POU6F2: variants seen among roughly 807,000 people sequenced by gnomAD.
POU6F2 encodes POU domain, class 6, transcription factor 2.
In POU6F2, 31 loss-of-function variants were observed where a neutral mutation model predicts 71.3. The observed-to-expected ratio is 0.43, with a 90% CI of 0.33 to 0.59. The LOEUF (loss-of-function observed/expected upper bound fraction) is 0.59, where lower values mean the gene tolerates loss of function less well. Ranked by LOEUF, POU6F2 falls within the 20% of genes least tolerant of loss-of-function variation. The pLI is 0.04. For missense variants in POU6F2, 783 were observed against 856.8 expected (o/e 0.91, Z 1.07); for synonymous variants, 347 against 355.7 (o/e 0.98, Z 0.27).
At chr7:39,404,845 A>G (rs1787387361) in intron 5 of POU6F2, 1 of 152,198 alleles carries the variant, frequency 6.6e-6, no homozygotes, top group African/African-American at 2.4e-5. Flanking sequence ...GTAGTCTACA[A>G]ACAAGGAGAG....
chr7:39,177,220 C>T (rs1793349860), intron 2 of POU6F2, among the ~76,000 whole-genome samples: 1 of 152,232 alleles, frequency 6.6e-6, no homozygotes, highest in Admixed American at 6.5e-5. Context: ...TGCCTCCACC[C>T]TCCTTTTAAT....
intron 1 of POU6F2, chr7:39,084,965 A>T (rs1182588879): frequency 6.6e-6 from 1 of 152,200 alleles, no homozygotes; most frequent in East Asian, 1.9e-4. Flanking sequence ...TACACTTGGA[A>T]AATATTTCTG....
At chr7:39,007,606 A>T (rs1331957704) in intron 1 of POU6F2, among the ~76,000 whole-genome samples, 3 of 152,194 alleles carry the variant, frequency 2.0e-5, no homozygotes, top group Non-Finnish European at 2.9e-5. Context: ...TACATGTGCC[A>T]TGGTGGTGCG....
intron 2 of POU6F2, among the ~76,000 whole-genome samples, chr7:39,105,380 T>C (rs2128724463): frequency 6.6e-6 from 1 of 152,064 alleles, no homozygotes; most frequent in South Asian, 2.1e-4. Context: ...TAATTTTCTA[T>C]AAATATTTTT....
intron 4 of POU6F2, among the ~76,000 whole-genome samples, chr7:39,233,756 C>T (rs1423353664): frequency 6.6e-6 from 1 of 152,150 alleles, no homozygotes; most frequent in Non-Finnish European, 1.5e-5. Context: ...GTACACATTA[C>T]CGAACTTCCT....
intron 6 of POU6F2, among the ~76,000 whole-genome samples, chr7:39,432,293 C>A (rs997648845): frequency 4.6e-5 from 7 of 152,164 alleles, no homozygotes; most frequent in African/African-American, 1.7e-4. Flanking sequence ...CCCCAAGCCC[C>A]TCACCTTTAG....
intron 5 of POU6F2, chr7:39,405,897 T>G (rs976952262): frequency 6.6e-6 from 1 of 152,210 alleles, no homozygotes; most frequent in African/African-American, 2.4e-5. Context: ...GGAAAGACCA[T>G]GTATCAGCTA....
At chr7:39,343,242 A>C (rs1374103616) in intron 5 of POU6F2, among the ~76,000 whole-genome samples, 3 of 152,198 alleles carry the variant, frequency 2.0e-5, no homozygotes, top group African/African-American at 7.2e-5. Context: ...TGTGAGCTGA[A>C]TTTAGTCCTT....
chr7:39,129,044 G>A (rs929200175), intron 2 of POU6F2, among the ~76,000 whole-genome samples: 2 of 152,206 alleles, frequency 1.3e-5, no homozygotes, highest in Non-Finnish European at 2.9e-5. Flanking sequence ...TACCTGAAAT[G>A]ACATGAATGC....
At position 39,166,917 on chromosome 7, in the gene POU6F2, T is replaced by C. The variant is rs980588151; in HGVS notation, c.278-37318T>C. On this transcript the variant is annotated intron_variant, in intron 2 of 9. Transcript: ENST00000518318. ...ATGTTAGCTCTGTAAGTTTTCTATA[T>C]GGAAATAGACAAACTACATTTTGGG... Among the ~76,000 whole-genome samples, 3 of 152,318 alleles carry C rather than the reference T, an allele frequency of 2.0e-5. No individual in the cohort carries two copies. In the East Asian group the frequency reaches 5.8e-4, roughly 29 times the overall value.
chr7:39,016,030 TAGA>T (rs1321668561), intron 1 of POU6F2, among the ~76,000 whole-genome samples: 3 of 61,222 alleles, frequency 4.9e-5, no homozygotes, highest in Admixed American at 2.5e-4. Context: ...ATATTATATA[TAGA>T]TATATATTAT....
At chr7:39,360,599 C>A (rs6952747) in intron 5 of POU6F2, among the ~76,000 whole-genome samples, 6,733 of 152,166 alleles carry the variant, frequency 0.044, 195 homozygotes, top group African/African-American at 0.077. Flanking sequence ...GTTCTTGGAT[C>A]TTGTGCAGGA....
intron 1 of POU6F2, among the ~76,000 whole-genome samples, chr7:39,039,364 C>A (rs551570449): frequency 6.6e-6 from 1 of 152,028 alleles, no homozygotes; most frequent in African/African-American, 2.4e-5. Context: ...AGTCAATTTC[C>A]ATTGCAATCT....
chr7:39,288,977 C>T (rs558362515), intron 4 of POU6F2, among the ~76,000 whole-genome samples: 2 of 152,300 alleles, frequency 1.3e-5, no homozygotes, highest in East Asian at 1.9e-4. Flanking sequence ...GAGCCCAAAA[C>T]GGTGCGTTTT....
At chr7:39,371,136 G>A (rs558693281) in intron 5 of POU6F2, among the ~76,000 whole-genome samples, 13 of 151,788 alleles carry the variant, frequency 8.6e-5, no homozygotes, top group African/African-American at 3.1e-4. Flanking sequence ...TGGAATCAAG[G>A]CTGTCTATGT....
intron 2 of POU6F2, among the ~76,000 whole-genome samples, chr7:39,168,691 C>T (rs1793160324): frequency 2.6e-5 from 4 of 152,124 alleles, no homozygotes; most frequent in Admixed American, 2.6e-4. Context: ...AGTATAATTC[C>T]TAATACAAGA....
intron 5 of POU6F2, among the ~76,000 whole-genome samples, chr7:39,377,048 T>C (rs1786723978): frequency 6.7e-6 from 1 of 148,218 alleles, no homozygotes; most frequent in South Asian, 2.1e-4. Context: ...TTAAAATCAA[T>C]TGTTTAATTT....
intron 5 of POU6F2, among the ~76,000 whole-genome samples, chr7:39,401,589 C>G (rs764777570): frequency 7.2e-5 from 11 of 152,120 alleles, no homozygotes; most frequent in Non-Finnish European, 1.6e-4. Context: ...TCCCAAGGAA[C>G]CAAGAGACAC....
chr7:39,070,642 G>T (rs989276581), intron 1 of POU6F2, among the ~76,000 whole-genome samples: 7 of 151,830 alleles, frequency 4.6e-5, no homozygotes, highest in African/African-American at 1.7e-4. Flanking sequence ...GGCCTCCAGC[G>T]CAGGGCCTTT....
Sources: allele counts gnomAD v4.1 joint callset (sites outside exome capture counted in the v4.1 genomes callset), GRCh38; gene constraint gnomAD v4.1.1; transcripts MANE v1.5; gene names NCBI Gene and HGNC (gene_info 2026-07-23, HGNC 2026-07-21).